Variants in RIN3 observed in about 807,000 individuals in gnomAD.
The protein encoded by RIN3 is Ras and Rab interactor 3.
Under a neutral mutation model 76.3 loss-of-function variants are expected in RIN3, and 54 were observed. The observed-to-expected ratio is 0.71, with a 90% CI of 0.57 to 0.89. The LOEUF (loss-of-function observed/expected upper bound fraction) is 0.89, where lower values mean the gene tolerates loss of function less well. RIN3 is among the 40% of genes least tolerant of loss of function. RIN3 has a pLI of 0.00. For synonymous variants in RIN3, 576 were observed against 564.0 expected, an observed-to-expected ratio of 1.02 and a Z score of -0.30; for missense variants, 1,256 against 1,322.1, an observed-to-expected ratio of 0.95 and a Z score of 0.78.
chr14:92,538,615 G>T (rs1897064646), intron 1 of RIN3, among the ~76,000 whole-genome samples: 1 of 152,146 alleles, frequency 6.6e-6, no homozygotes, highest in African/African-American at 2.4e-5. Context: ...CATTTTAAAA[G>T]TATCTCTTTG....
In RIN3 at chr14:92,688,956, C is replaced by G. The variant is rs1005253265; in HGVS notation, c.*704C>G. 1 of 152,372 alleles carries G rather than the reference C, an allele frequency of 6.6e-6. No homozygotes were observed. The highest frequency in any genetic ancestry group is 2.4e-5 in the African/African-American group (1 of 41,468). 9.4% of individuals were successfully genotyped at this position (152,372 alleles called of 1,614,324 possible). A position where few individuals can be genotyped will look rare whatever the true frequency, so the allele number is the denominator to read the frequency against. ...AGCTGTGGCAGATTGCAGGAGCCAT[C>G]GTGTGGGGAGAATTTAATAAAAGCC... On this transcript the variant is annotated 3_prime_UTR_variant, in exon 10 of 10. Transcript: ENST00000216487.
intron 1 of RIN3, among the ~76,000 whole-genome samples, chr14:92,536,028 A>G (rs1896992292): frequency 6.6e-6 from 1 of 152,116 alleles, no homozygotes; most frequent in South Asian, 2.1e-4. Context: ...CTGTGCAGAA[A>G]TCAGGTGACT....
intron 1 of RIN3, among the ~76,000 whole-genome samples, chr14:92,516,016 G>A (rs1202222014): frequency 3.3e-5 from 5 of 152,152 alleles, no homozygotes; most frequent in Non-Finnish European, 2.9e-5. Flanking sequence ...AGTCTGCTGA[G>A]AGTGGGTTCT....
At chr14:92,526,612 G>A (rs10137612) in intron 1 of RIN3, among the ~76,000 whole-genome samples, 29,340 of 152,000 alleles carry the variant, frequency 0.19, 3,450 homozygotes, top group Middle Eastern at 0.27. Context: ...AATTAGCTGG[G>A]CGTGGTGGCG....
chr14:92,605,257 T>C (rs1238726254), intron 3 of RIN3, among the ~76,000 whole-genome samples: 3 of 152,208 alleles, frequency 2.0e-5, no homozygotes, highest in South Asian at 2.1e-4. Flanking sequence ...TAAGTCCTTG[T>C]TGATGAGTAA....
chr14:92,524,611 G>A (rs1052097450), intron 1 of RIN3, among the ~76,000 whole-genome samples: 12 of 152,234 alleles, frequency 7.9e-5, no homozygotes, highest in Non-Finnish European at 5.9e-5. Context: ...GCCAGAGCCC[G>A]TTGAAGTGGC....
intron 7 of RIN3, among the ~76,000 whole-genome samples, chr14:92,670,234 A>G (rs1166768242): frequency 1.3e-5 from 2 of 152,158 alleles, no homozygotes; most frequent in Non-Finnish European, 2.9e-5. Flanking sequence ...AATATGCATA[A>G]AACCCCAGCC....
chr14:92,637,027 G>A (rs916563661), intron 4 of RIN3, among the ~76,000 whole-genome samples: 6 of 152,146 alleles, frequency 3.9e-5, no homozygotes, highest in African/African-American at 1.4e-4. Flanking sequence ...AACCTTTTTG[G>A]CACCAGGGAC....
At chr14:92,518,083 CA>C (rs1840453835) in intron 1 of RIN3, among the ~76,000 whole-genome samples, 2 of 152,356 alleles carry the variant, frequency 1.3e-5, no homozygotes, top group East Asian at 3.9e-4. Flanking sequence ...GCCCTTTTTA[CA>C]GGGCTCACCT....
At chr14:92,546,976 A>T (rs988702618) in intron 1 of RIN3, among the ~76,000 whole-genome samples, 6 of 142,042 alleles carry the variant, frequency 4.2e-5, no homozygotes, top group African/African-American at 7.7e-5. Flanking sequence ...CTGTTTATTT[A>T]AAATTATTTT....
chr14:92,685,043 A>C lies in RIN3; in HGVS notation c.2524A>C (p.Lys842Gln). ...GALEHIKSYDKITVTRQLSVE... is the reference protein window; with the variant it reads ...GALEHIKSYDQITVTRQLSVE... The stretch of plus-strand genomic sequence containing the variant: ...CCTGGAGCACATCAAGAGCTACGAC[A>C]AGATCACGGTGACCCGGCAGCTGAG... Residue 842 changes from lysine to glutamine, a missense_variant, in exon 9 of 10, where the codon AAG becomes CAG. By Grantham distance (53) the Lys-to-Gln change is moderately conservative. Coordinates refer to ENST00000216487, the MANE Select transcript of RIN3 (RefSeq NM_024832.5). The surrounding 1 kb of genome is among the most constrained non-coding windows in gnomAD (Gnocchi z 4.7). The C allele has an allele frequency of 1.2e-6, 2 of 1,614,076 alleles. No individual in the cohort carries two copies. Among genetic ancestry groups the C allele is most frequent in the South Asian group, 2.2e-5 (2 of 91,080 alleles).
chr14:92,636,064 C>T (rs1156269549), intron 4 of RIN3, among the ~76,000 whole-genome samples: 1 of 152,256 alleles, frequency 6.6e-6, no homozygotes, highest in Non-Finnish European at 1.5e-5. Context: ...CCTCTGTGCC[C>T]CAGTCTTCGG....
intron 5 of RIN3, among the ~76,000 whole-genome samples, chr14:92,647,710 A>T (rs35326193): frequency 0.12 from 18,691 of 151,844 alleles, 1,599 homozygotes; most frequent in East Asian, 0.27. Flanking sequence ...CTTTGCCTTT[A>T]CTCATCCCCT....
chr14:92,612,584 G>T (rs1012649726), intron 3 of RIN3, among the ~76,000 whole-genome samples: 1 of 152,230 alleles, frequency 6.6e-6, no homozygotes, highest in Non-Finnish European at 1.5e-5. Context: ...CACTGTGCTG[G>T]ATGCTAAGGG....
rs947634655 is a variant in RIN3, at chr14:92,568,690, G to A, written c.250-8670G>A. ...TGGAGCCATGCCAAACTCAGAGTCC[G>A]TCCCTGCCCCACTCTCCATCGTGAA... is the stretch of plus-strand genomic sequence containing the variant. On this transcript the variant is annotated intron_variant, in intron 2 of 9. Coordinates refer to ENST00000216487, the MANE Select transcript of RIN3 (RefSeq NM_024832.5). This position sits in a 1 kb window ranked among gnomAD's most constrained non-coding sequence, Gnocchi z 4.2. Among the ~76,000 whole-genome samples, 26 of 152,334 alleles carry A rather than the reference G, an allele frequency of 1.7e-4. No individual in the cohort carries two copies. Among genetic ancestry groups the A allele is most frequent in the Admixed American group, 5.9e-4 (9 of 15,304 alleles).
intron 3 of RIN3, among the ~76,000 whole-genome samples, chr14:92,597,661 T>A (rs1018904741): frequency 8.5e-5 from 13 of 152,180 alleles, no homozygotes; most frequent in African/African-American, 3.1e-4. Flanking sequence ...TTTCTGTTAG[T>A]TCTGTTCTCT....
At chr14:92,676,969 G>A (rs539250103) in intron 8 of RIN3, among the ~76,000 whole-genome samples, 206 of 152,162 alleles carry the variant, frequency 1.4e-3, no homozygotes, top group Non-Finnish European at 2.6e-3. Context: ...AAAAAAAAAA[G>A]GGAAAAGGCA....
chr14:92,584,889 A>G (rs188592709), intron 3 of RIN3, among the ~76,000 whole-genome samples: 1 of 152,328 alleles, frequency 6.6e-6, no homozygotes, highest in Non-Finnish European at 1.5e-5. Flanking sequence ...GAACCATGAG[A>G]CAGTGACAAA....
At chr14:92,533,438 A>G (rs1032789571) in intron 1 of RIN3, among the ~76,000 whole-genome samples, 1 of 152,242 alleles carries the variant, frequency 6.6e-6, no homozygotes, top group East Asian at 1.9e-4. Flanking sequence ...AAAATTCACA[A>G]TTGCAAAAAT....
Sources: gnomAD v4.1 joint callset for allele counts (sites outside exome capture counted in the v4.1 genomes callset) on GRCh38, gnomAD v4.1.1 for gene constraint, Gnocchi (gnomAD v3.1) non-coding constraint, MANE v1.5 for transcripts, NCBI Gene and HGNC (gene_info 2026-07-23, HGNC 2026-07-21) for gene names.